The following XYLT1 variants were observed in gnomAD, a reference collection of about 807,000 sequenced individuals.
The protein encoded by XYLT1 is beta-D-xylosyltransferase 1.
A neutral mutation model predicts 91.3 loss-of-function variants in XYLT1; 36 were observed. The ratio of observed to expected loss-of-function variants is 0.39; its 90% CI spans 0.30 to 0.52. The LOEUF (loss-of-function observed/expected upper bound fraction) is 0.52. Among genes scored for constraint, XYLT1 ranks in the 20% least tolerant of loss-of-function variants. The probability of loss-of-function intolerance (pLI) is 0.68; values close to 1 mark genes in which losing one functional copy is unlikely to be tolerated. For synonymous variants in XYLT1, 588 were observed against 532.0 expected (o/e 1.11, Z -1.45); for missense variants, 1,242 against 1,284.5 (o/e 0.97, Z 0.51).
At chr16:17,363,001 C>G (rs2035404712) in intron 1 of XYLT1, among the ~76,000 whole-genome samples, 2 of 152,184 alleles carry the variant, frequency 1.3e-5, no homozygotes, top group Non-Finnish European at 2.9e-5. Context: ...CTAATTAAGG[C>G]CAGAACTGGG....
intron 1 of XYLT1, among the ~76,000 whole-genome samples, chr16:17,367,161 G>A (rs550592197): frequency 6.6e-6 from 1 of 152,290 alleles, no homozygotes; most frequent in South Asian, 2.1e-4. Flanking sequence ...GAGTGGGTGG[G>A]CCACCAATGT....
chr16:17,153,930 T>G (rs1228205130), intron 6 of XYLT1, among the ~76,000 whole-genome samples: 1 of 151,918 alleles, frequency 6.6e-6, no homozygotes, highest in East Asian at 1.9e-4. Context: ...CACTATGGAG[T>G]AATAAAAGAA....
chr16:17,438,671 G>A (rs1269368684), intron 1 of XYLT1, among the ~76,000 whole-genome samples: 2 of 152,056 alleles, frequency 1.3e-5, no homozygotes, highest in Non-Finnish European at 2.9e-5. Flanking sequence ...GCATGGCTAG[G>A]AGGCTTCAGA....
At chr16:17,154,993 A>G (rs751105277) in intron 6 of XYLT1, among the ~76,000 whole-genome samples, 3 of 152,208 alleles carry the variant, frequency 2.0e-5, no homozygotes, top group Non-Finnish European at 4.4e-5. Context: ...CACATGAAAT[A>G]CCAGAATGGG....
rs536472449 is a variant in XYLT1 at position 17,401,705 on chromosome 16, G to GTTATTATTATTA, written c.364-43667_364-43656dup. Among the ~76,000 whole-genome samples the GTTATTATTATTA allele has an allele frequency of 3.8e-3, 565 of 150,198 alleles. 5 individuals are homozygous for GTTATTATTATTA. Among genetic ancestry groups the GTTATTATTATTA allele is most frequent in the African/African-American group, 0.012 (497 of 40,892 alleles). Reference sequence around the variant, plus strand: ...GTTCAATGAAGGGTTAGTGGCTATGGTTATTATTATTATTATTATTATTAT... The same window carrying GTTATTATTATTA: ...GTTCAATGAAGGGTTAGTGGCTATGGTTATTATTATTATTATTATTATTATTATTATTATTAT... On this transcript the variant is annotated intron_variant, in intron 1 of 11. Coordinates refer to ENST00000261381, the MANE Select transcript of XYLT1 (RefSeq NM_022166.4).
chr16:17,245,720 C>T (rs1253353771), intron 3 of XYLT1, among the ~76,000 whole-genome samples: 1 of 152,162 alleles, frequency 6.6e-6, no homozygotes, highest in Admixed American at 6.5e-5. Context: ...AATTCAATTC[C>T]ACGGGGTAAT....
intron 5 of XYLT1, among the ~76,000 whole-genome samples, chr16:17,187,980 A>C (rs2032222869): frequency 2.6e-5 from 4 of 151,964 alleles, no homozygotes; most frequent in Admixed American, 2.0e-4. Context: ...GCTCCTGTTG[A>C]AATCCTCTGA....
chr16:17,263,140 C>A lies in XYLT1; in HGVS notation c.403-3642G>T, dbSNP rs796501658. On this transcript the variant is annotated intron_variant, in intron 2 of 11. Transcript: ENST00000261381. ...GTGTCATTCTGGGGCCCTTCTCTTTCCTTGTTATCAGCAAGTTTCCCCGCC... is the reference window on the plus strand; with the variant it reads ...GTGTCATTCTGGGGCCCTTCTCTTTACTTGTTATCAGCAAGTTTCCCCGCC... Among the ~76,000 whole-genome samples the A allele has an allele frequency of 2.2e-4, 34 of 152,252 alleles. 1 individual carries two copies. The East Asian group carries it at 6.0e-3, about 27-fold the overall frequency.
At chr16:17,234,393 G>A (rs1046339957) in intron 3 of XYLT1, among the ~76,000 whole-genome samples, 3 of 152,134 alleles carry the variant, frequency 2.0e-5, no homozygotes, top group African/African-American at 7.2e-5. Context: ...CCTTTCCGAT[G>A]AGGCTCTGAT....
intron 3 of XYLT1, among the ~76,000 whole-genome samples, chr16:17,254,770 T>A (rs1296381921): frequency 1.3e-5 from 2 of 152,204 alleles, no homozygotes; most frequent in Non-Finnish European, 2.9e-5. Context: ...CTGTTTATGT[T>A]ACCAGTAAGC....
At position 17,207,674 on chromosome 16, in the gene XYLT1, G is replaced by GCACA. The variant is rs1436461296; in HGVS notation, c.914-7021_914-7020insTGTG. ...TCCTTGAGGCTTTTGGGTGGTCTGT[G>GCACA]GACCCTTGCTCAGCAGCACCAAGCC... On this transcript the variant is annotated intron_variant, in intron 3 of 11. Transcript: ENST00000261381. Among the ~76,000 whole-genome samples the GCACA allele has an allele frequency of 3.9e-5, 6 of 152,294 alleles. No homozygotes were observed. In the East Asian group the frequency reaches 9.7e-4, roughly 25 times the overall value.
intron 6 of XYLT1, among the ~76,000 whole-genome samples, chr16:17,157,777 C>A (rs990575465): frequency 2.6e-5 from 4 of 152,130 alleles, no homozygotes; most frequent in Non-Finnish European, 5.9e-5. Flanking sequence ...TAGATGGAGT[C>A]TCACTCTCTT....
Position 17,161,673 on chromosome 16 carries a change from G to GCA in XYLT1, c.1290-2765_1290-2764insTG, listed in dbSNP as rs1321773095. ...ACATTTTACCCCGTTCCAGTTTCTC[G>GCA]CGCGCTCTCTCTCTCTCTCTCTCTC... On this transcript the variant is annotated intron_variant, in intron 5 of 11. Coordinates refer to ENST00000261381, the MANE Select transcript of XYLT1 (RefSeq NM_022166.4). Among the ~76,000 whole-genome samples, 14 of 91,116 alleles carry GCA rather than the reference G, an allele frequency of 1.5e-4. No homozygotes were observed. In the South Asian group the frequency reaches 2.9e-3, roughly 19 times the overall value. The allele number at this position is 91,116 out of a possible 152,430, so 59.8% of individuals were successfully genotyped here.
At chr16:17,264,863 A>G (rs2033779191) in intron 2 of XYLT1, among the ~76,000 whole-genome samples, 2 of 152,188 alleles carry the variant, frequency 1.3e-5, no homozygotes, top group Admixed American at 6.5e-5. Flanking sequence ...CATTGGGATG[A>G]TAACACCTTG....
intron 3 of XYLT1, among the ~76,000 whole-genome samples, chr16:17,206,253 G>A (rs1220244891): frequency 6.6e-6 from 1 of 152,150 alleles, no homozygotes; most frequent in Non-Finnish European, 1.5e-5. Context: ...CTTACTGGGG[G>A]AGAAAACCTG....
intron 2 of XYLT1, among the ~76,000 whole-genome samples, chr16:17,284,075 G>A (rs1017659499): frequency 3.3e-5 from 5 of 152,136 alleles, no homozygotes; most frequent in African/African-American, 7.2e-5. Context: ...TAAAATCCAC[G>A]TGACCTTGGG....
At chr16:17,139,397 G>T (rs2030893039) in intron 7 of XYLT1, among the ~76,000 whole-genome samples, 1 of 152,156 alleles carries the variant, frequency 6.6e-6, no homozygotes, top group African/African-American at 2.4e-5. Flanking sequence ...ACTGAACAGA[G>T]ACCCTGGAGT....
rs557513517 is a variant in XYLT1 at position 17,198,083 on chromosome 16, T to A, written c.1289+129A>T. 38 of 932,642 alleles carry A rather than the reference T, an allele frequency of 4.1e-5. No individual in the cohort carries two copies. In the South Asian group the frequency reaches 5.8e-4, roughly 14 times the overall value. 57.8% of individuals were successfully genotyped at this position (932,642 alleles called of 1,614,324 possible). ...ATGAATCAATGATTCTCAGGTCCAA[T>A]CAGAATCCTATCCTGAGCGATCCTG... is the stretch of plus-strand genomic sequence containing the variant. On this transcript the variant is annotated intron_variant, in intron 5 of 11. Transcript: ENST00000261381.
chr16:17,127,361 C>T lies in XYLT1; in HGVS notation c.2223+305G>A, dbSNP rs554521728. On this transcript the variant is annotated intron_variant, in intron 10 of 11. Coordinates refer to ENST00000261381, the MANE Select transcript of XYLT1 (RefSeq NM_022166.4). ...TCTCTATAAGCCTCAGTTCTCCATT[C>T]GGTAAAATGGGACTAATATTACTGA... is the stretch of plus-strand genomic sequence containing the variant. 7.2e-4 allele frequency among the ~76,000 whole-genome samples: 109 copies of T among 152,226 alleles called. 1 individual carries two copies. The highest frequency in any genetic ancestry group is 3.4e-3 in the Middle Eastern group (1 of 294).
Sources: allele counts gnomAD v4.1 joint callset (sites outside exome capture counted in the v4.1 genomes callset), GRCh38; gene constraint gnomAD v4.1.1; transcripts MANE v1.5; gene names NCBI Gene and HGNC (gene_info 2026-07-23, HGNC 2026-07-21).